Variants in DACH1 observed in about 807,000 individuals in gnomAD.
DACH1 encodes the protein dachshund homolog 1.
Under a neutral mutation model 54.2 loss-of-function variants are expected in DACH1, and 12 were observed. The observed-to-expected ratio is 0.22, with a 90% CI of 0.14 to 0.36. The LOEUF (loss-of-function observed/expected upper bound fraction) is 0.36, where lower values mean the gene tolerates loss of function less well. DACH1 is among the 10% of genes least tolerant of loss of function. DACH1 has a pLI of 1.00. For missense variants in DACH1, 805 were observed against 929.8 expected, an observed-to-expected ratio of 0.87 and a Z score of 1.75; for synonymous variants, 386 against 366.2, an observed-to-expected ratio of 1.05 and a Z score of -0.62.
intron 3 of DACH1, among the ~76,000 whole-genome samples, chr13:71,595,892 G>T (rs1032387156): frequency 5.9e-5 from 9 of 152,052 alleles, no homozygotes; most frequent in South Asian, 4.2e-4. Flanking sequence ...CATGAATGCT[G>T]CAGGGACACA....
At chr13:71,749,431 G>A (rs552632475) in intron 1 of DACH1, among the ~76,000 whole-genome samples, 2 of 151,846 alleles carry the variant, frequency 1.3e-5, no homozygotes, top group African/African-American at 4.8e-5. Context: ...TTGAGGGGGG[G>A]GCATTTGTTA....
chr13:71,679,871 A>C (rs1211412583), intron 2 of DACH1, among the ~76,000 whole-genome samples: 2 of 143,922 alleles, frequency 1.4e-5, no homozygotes, highest in African/African-American at 5.2e-5. Flanking sequence ...GATCCCACCT[A>C]CTCCAGAGGC....
intron 6 of DACH1, among the ~76,000 whole-genome samples, chr13:71,551,157 T>C (rs552332645): frequency 1.3e-5 from 2 of 152,234 alleles, no homozygotes; most frequent in Non-Finnish European, 2.9e-5. Flanking sequence ...AAGCCATTTG[T>C]TTACTTATAA....
At chr13:71,748,886 CTT>C (rs66963116) in intron 1 of DACH1, among the ~76,000 whole-genome samples, 1,956 of 26,516 alleles carry the variant, frequency 0.074, 33 homozygotes, top group Non-Finnish European at 0.14. Flanking sequence ...TTCTTTCTTT[CTT>C]TCTTTCTTTC....
At chr13:71,736,025 A>T (rs1049911877) in intron 1 of DACH1, among the ~76,000 whole-genome samples, 2 of 152,136 alleles carry the variant, frequency 1.3e-5, no homozygotes, top group African/African-American at 2.4e-5. Context: ...TATCTCCATG[A>T]TACTAGCTAC....
chr13:71,567,450 A>G (rs1884959099), intron 4 of DACH1, among the ~76,000 whole-genome samples: 1 of 152,032 alleles, frequency 6.6e-6, no homozygotes, highest in Non-Finnish European at 1.5e-5. Context: ...ACAAAAAAAA[A>G]TAGAAAGTCA....
intron 3 of DACH1, among the ~76,000 whole-genome samples, chr13:71,602,516 G>C (rs895742570): frequency 1.3e-5 from 2 of 151,618 alleles, no homozygotes; most frequent in African/African-American, 4.8e-5. Context: ...ATGCTGCTTT[G>C]TCCGCCATGG....
intron 1 of DACH1, among the ~76,000 whole-genome samples, chr13:71,785,309 T>G (rs1385312991): frequency 3.3e-5 from 5 of 152,170 alleles, no homozygotes; most frequent in Admixed American, 3.3e-4. Flanking sequence ...TAGTTAATCA[T>G]TCAATGAAAA....
chr13:71,488,267 G>C (rs1449081220), intron 7 of DACH1, among the ~76,000 whole-genome samples: 1 of 152,188 alleles, frequency 6.6e-6, no homozygotes, highest in Non-Finnish European at 1.5e-5. Flanking sequence ...ATATGGAGAA[G>C]TAGATGACAA....
At chr13:71,580,840 T>C (rs1193283287) in intron 3 of DACH1, among the ~76,000 whole-genome samples, 2 of 152,042 alleles carry the variant, frequency 1.3e-5, no homozygotes, top group Non-Finnish European at 1.5e-5. Context: ...GTCCTATTGA[T>C]TTCATCTCTA....
At chr13:71,753,300 T>C (rs192629486) in intron 1 of DACH1, among the ~76,000 whole-genome samples, 1 of 151,964 alleles carries the variant, frequency 6.6e-6, no homozygotes. Context: ...CGCTGCAATA[T>C]AAGAAAAAAG....
At chr13:71,844,870 A>C (rs1187567558) in intron 1 of DACH1, among the ~76,000 whole-genome samples, 1 of 152,182 alleles carries the variant, frequency 6.6e-6, no homozygotes, top group Non-Finnish European at 1.5e-5. Flanking sequence ...AAGAAAGTTA[A>C]ACACTACTTG....
intron 3 of DACH1, among the ~76,000 whole-genome samples, chr13:71,611,524 C>G (rs905347967): frequency 1.3e-5 from 2 of 152,154 alleles, no homozygotes; most frequent in Middle Eastern, 3.2e-3. Context: ...TTCTGGCAAA[C>G]AGGTGGTTTC....
At chr13:71,684,806 C>T (rs1239694400) in intron 1 of DACH1, among the ~76,000 whole-genome samples, 2 of 152,044 alleles carry the variant, frequency 1.3e-5, no homozygotes, top group Admixed American at 6.6e-5. Flanking sequence ...TAACCCTATT[C>T]GTAAAGCCAT....
intron 10 of DACH1, among the ~76,000 whole-genome samples, chr13:71,459,950 A>AT (rs981913083): frequency 4.6e-5 from 7 of 151,986 alleles, no homozygotes; most frequent in African/African-American, 1.4e-4. Flanking sequence ...AGGTTTTTGC[A>AT]TTTTTTGTGT....
At chr13:71,471,851 A>G (rs560477826) in intron 10 of DACH1, among the ~76,000 whole-genome samples, 1 of 152,216 alleles carries the variant, frequency 6.6e-6, no homozygotes, top group Non-Finnish European at 1.5e-5. Context: ...TTAGCTGAAG[A>G]AAGCCATCAT....
intron 1 of DACH1, among the ~76,000 whole-genome samples, chr13:71,732,867 A>G (rs1446749704): frequency 6.6e-6 from 1 of 152,088 alleles, no homozygotes; most frequent in Non-Finnish European, 1.5e-5. Flanking sequence ...GTTATTTCCA[A>G]ACCTCTTAGC....
chr13:71,488,514 T>C (rs1018325236), intron 7 of DACH1, among the ~76,000 whole-genome samples: 2 of 152,160 alleles, frequency 1.3e-5, no homozygotes, highest in African/African-American at 2.4e-5. Flanking sequence ...TTCTATTAAT[T>C]GAAACAAACT....
intron 1 of DACH1, among the ~76,000 whole-genome samples, chr13:71,768,229 T>A (rs1885716551): frequency 6.6e-6 from 1 of 151,936 alleles, no homozygotes; most frequent in South Asian, 2.1e-4. Flanking sequence ...GAATAAGACA[T>A]GCCATAATCA....
Sources: allele counts gnomAD v4.1 joint callset (sites outside exome capture counted in the v4.1 genomes callset), GRCh38; gene constraint gnomAD v4.1.1; transcripts MANE v1.5; gene names NCBI Gene and HGNC (gene_info 2026-07-23, HGNC 2026-07-21).